MGMT: variants seen among roughly 807,000 people sequenced by gnomAD.
MGMT encodes the protein O-6-methylguanine-DNA methyltransferase.
A neutral mutation model predicts 15.9 loss-of-function variants in MGMT; 14 were observed. The ratio of observed to expected loss-of-function variants is 0.88; its 90% CI spans 0.58 to 1.37. The LOEUF is 1.37. MGMT is among the 40% of genes most tolerant of loss of function. MGMT has a pLI of 0.00. For synonymous variants in MGMT, 130 were observed against 118.2 expected (o/e 1.10, Z -0.65); for missense variants, 282 against 268.1 (o/e 1.05, Z -0.36).
chr10:129,705,162 CT>C (rs914281720), intron 2 of MGMT, among the ~76,000 whole-genome samples: 2 of 152,214 alleles, frequency 1.3e-5, no homozygotes, highest in African/African-American at 4.8e-5. Context: ...GTGTGTGCCC[CT>C]GGGCATGTCT....
chr10:129,654,662 G>A (rs1028515358), intron 2 of MGMT, among the ~76,000 whole-genome samples: 13 of 152,044 alleles, frequency 8.6e-5, no homozygotes, highest in Admixed American at 5.2e-4. Flanking sequence ...TCCCTGGAGA[G>A]ACAGGAGGAG....
At chr10:129,540,615 T>G (rs774875998) in intron 2 of MGMT, among the ~76,000 whole-genome samples, 3 of 152,250 alleles carry the variant, frequency 2.0e-5, no homozygotes, top group African/African-American at 4.8e-5. Context: ...TAGAATAAAT[T>G]TTTAGAATTT....
intron 4 of MGMT, among the ~76,000 whole-genome samples, chr10:129,763,432 T>C (rs955228257): frequency 6.6e-6 from 1 of 152,212 alleles, no homozygotes; most frequent in Non-Finnish European, 1.5e-5. Context: ...CTCTTCCCCA[T>C]CACAGCATGC....
intron 2 of MGMT, among the ~76,000 whole-genome samples, chr10:129,551,709 C>G (rs957813952): frequency 2.6e-5 from 4 of 152,144 alleles, no homozygotes; most frequent in Non-Finnish European, 5.9e-5. Flanking sequence ...TATTTATTTA[C>G]CAGACCCCAC....
intron 3 of MGMT, among the ~76,000 whole-genome samples, chr10:129,714,064 G>A (rs1409538205): frequency 6.6e-6 from 1 of 152,246 alleles, no homozygotes; most frequent in Admixed American, 6.5e-5. Flanking sequence ...CAGGTTGGGG[G>A]CTCGCAGCCC....
intron 2 of MGMT, among the ~76,000 whole-genome samples, chr10:129,675,171 G>A (rs900055742): frequency 5.3e-5 from 8 of 152,322 alleles, no homozygotes; most frequent in African/African-American, 9.6e-5. Context: ...AGGGCCAGGC[G>A]GGAGCAAGGG....
At chr10:129,613,166 A>G (rs187747321) in intron 2 of MGMT, among the ~76,000 whole-genome samples, 2 of 152,364 alleles carry the variant, frequency 1.3e-5, no homozygotes, top group Non-Finnish European at 1.5e-5. Context: ...GGAAAATTCA[A>G]GTACAAGTAG....
intron 2 of MGMT, among the ~76,000 whole-genome samples, chr10:129,647,305 T>A (rs1254984338): frequency 6.6e-6 from 1 of 152,106 alleles, no homozygotes; most frequent in African/African-American, 2.4e-5. Context: ...CTGTGCACAT[T>A]CGACGCTCAA....
intron 2 of MGMT, among the ~76,000 whole-genome samples, chr10:129,667,683 A>T (rs1464361943): frequency 6.6e-6 from 1 of 152,166 alleles, no homozygotes; most frequent in South Asian, 2.1e-4. Flanking sequence ...AATTATTGTT[A>T]GTTTTCCAGT....
intron 2 of MGMT, among the ~76,000 whole-genome samples, chr10:129,571,694 G>A (rs567157628): frequency 2.6e-4 from 40 of 152,176 alleles, no homozygotes; most frequent in Non-Finnish European, 5.0e-4. Context: ...AATTTAGCTT[G>A]TGAGGTCCAA....
chr10:129,733,867 T>C (rs957216659), intron 3 of MGMT, among the ~76,000 whole-genome samples: 4 of 152,322 alleles, frequency 2.6e-5, no homozygotes, highest in African/African-American at 9.6e-5. Context: ...ATCAGATAGT[T>C]GTAGATATGC....
chr10:129,765,955 G>A lies in MGMT; in HGVS notation c.415-833G>A, dbSNP rs918757707. Among the ~76,000 whole-genome samples, 6 of 152,164 alleles carry A rather than the reference G, an allele frequency of 3.9e-5. No homozygotes were observed. In the East Asian group the frequency reaches 1.2e-3, roughly 29 times the overall value. On this transcript the variant is annotated intron_variant, in intron 4 of 4. Coordinates refer to ENST00000651593, the MANE Select transcript of MGMT (RefSeq NM_002412.5). ...GGAGCTCCTCCTGTCTACACAGCTCGGGCAACGCCAAAGGACCAAAGCAGA... is the reference window on the plus strand; with the variant it reads ...GGAGCTCCTCCTGTCTACACAGCTCAGGCAACGCCAAAGGACCAAAGCAGA...
chr10:129,634,825 C>G (rs972255185), intron 2 of MGMT, among the ~76,000 whole-genome samples: 3 of 152,028 alleles, frequency 2.0e-5, no homozygotes, highest in Admixed American at 6.6e-5. Flanking sequence ...TGGTGTATTT[C>G]TTCGTAATGG....
rs768121854 is a variant in MGMT at position 129,767,000 on chromosome 10, A to G, written c.*3A>G. On this transcript the variant is annotated 3_prime_UTR_variant, in exon 5 of 5. Coordinates refer to ENST00000651593, the MANE Select transcript of MGMT (RefSeq NM_002412.5). ...CCCCGCCTGCTGGCCGAAACTGAGTATGTGCAGTAGGATGGATGTTTGAGC... is the reference window on the plus strand; with the variant it reads ...CCCCGCCTGCTGGCCGAAACTGAGTGTGTGCAGTAGGATGGATGTTTGAGC... 11 of 1,594,162 alleles carry G rather than the reference A, an allele frequency of 6.9e-6. No homozygotes were observed. The African/African-American group carries it at 1.2e-4, about 17-fold the overall frequency.
In MGMT at chr10:129,533,277, A is replaced by G. The variant is rs1396049302; in HGVS notation, c.-12-2964A>G. 6.6e-6 allele frequency among the ~76,000 whole-genome samples: 1 copy of G among 152,206 alleles called. No homozygotes were observed. Among genetic ancestry groups the G allele is most frequent in the Non-Finnish European group, 1.5e-5 (1 of 68,034 alleles). On this transcript the variant is annotated intron_variant, in intron 1 of 4. Coordinates refer to ENST00000651593, the MANE Select transcript of MGMT (RefSeq NM_002412.5). This position sits in a 1 kb window ranked among gnomAD's most constrained non-coding sequence, Gnocchi z 4.5. ...TCTTTGAGTTGTGGAGTAGCCTTTC[A>G]GTAAACGGCATTTGTGCTTAAATTA...
chr10:129,759,157 G>A (rs1848841000), intron 3 of MGMT, 45 bp from the exon 4 acceptor site: 1 of 1,610,410 alleles, frequency 6.2e-7, no homozygotes, highest in Admixed American at 1.7e-5. Context: ...CAGAGCTGCT[G>A]AAGCCGTTTG....
intron 2 of MGMT, among the ~76,000 whole-genome samples, chr10:129,646,719 AATATATAT>A (rs10543851): frequency 0.23 from 19,012 of 81,658 alleles, 2,817 homozygotes; most frequent in South Asian, 0.28. Context: ...GCCCATCAGA[AATATATAT>A]ATATATATAT....
intron 1 of MGMT, among the ~76,000 whole-genome samples, chr10:129,524,718 A>G (rs1845850365): frequency 6.7e-6 from 1 of 149,370 alleles, no homozygotes; most frequent in Non-Finnish European, 1.5e-5. Context: ...CAGCCTCCCG[A>G]GTAGCTGGGA....
chr10:129,511,984 C>T (rs1011596951), intron 1 of MGMT, among the ~76,000 whole-genome samples: 5 of 152,162 alleles, frequency 3.3e-5, no homozygotes, highest in African/African-American at 7.2e-5. Flanking sequence ...CTTTCCAGGT[C>T]GAGGATTTAA....
Sources: allele counts gnomAD v4.1 joint callset (sites outside exome capture counted in the v4.1 genomes callset), GRCh38; gene constraint gnomAD v4.1.1; non-coding constraint Gnocchi (gnomAD v3.1); transcripts MANE v1.5; gene names NCBI Gene and HGNC (gene_info 2026-07-23, HGNC 2026-07-21).